Variants in RBFOX1 observed in about 807,000 individuals in gnomAD.
RBFOX1 encodes the protein RNA binding protein fox-1 homolog 1.
Under a neutral mutation model 57.7 loss-of-function variants are expected in RBFOX1, and 8 were observed. The observed-to-expected ratio is 0.14, with a 90% CI of 0.08 to 0.25. The LOEUF (loss-of-function observed/expected upper bound fraction) is 0.25, where lower values mean the gene tolerates loss of function less well. RBFOX1 is among the 10% of genes least tolerant of loss of function. RBFOX1 has a pLI of 1.00. For missense variants in RBFOX1, 611 were observed against 548.5 expected, an observed-to-expected ratio of 1.11 and a Z score of -1.14; for synonymous variants, 326 against 222.4, an observed-to-expected ratio of 1.47 and a Z score of -4.15.
chr16:6,198,017 T>C (rs2097191680), intron 1 of RBFOX1, among the ~76,000 whole-genome samples: 1 of 152,360 alleles, frequency 6.6e-6, no homozygotes, highest in African/African-American at 2.4e-5. Flanking sequence ...CCAAAAGGTC[T>C]TTAATCTCTT....
intron 1 of RBFOX1, among the ~76,000 whole-genome samples, chr16:6,164,664 A>G (rs1251084478): frequency 6.6e-6 from 1 of 151,716 alleles, no homozygotes; most frequent in East Asian, 1.9e-4. Flanking sequence ...TTTTTAGTAG[A>G]AATGGAGTTT....
chr16:6,118,081 T>G (rs889990360), intron 1 of RBFOX1, among the ~76,000 whole-genome samples: 1 of 152,210 alleles, frequency 6.6e-6, no homozygotes, highest in Non-Finnish European at 1.5e-5. Context: ...TTCTGTATAG[T>G]CTTCACCCAT....
At chr16:7,656,486 C>T (rs77705385) in intron 12 of RBFOX1, among the ~76,000 whole-genome samples, 4,314 of 152,160 alleles carry the variant, frequency 0.028, 91 homozygotes, top group African/African-American at 0.054. Context: ...GAGCAAGAAC[C>T]CCTATGTTGT....
intron 2 of RBFOX1, among the ~76,000 whole-genome samples, chr16:6,448,554 C>G (rs2094532933): frequency 6.6e-6 from 1 of 152,116 alleles, no homozygotes. Context: ...TAGCAGCATT[C>G]CTAGACTTTA....
intron 2 of RBFOX1, among the ~76,000 whole-genome samples, chr16:5,494,224 T>C (rs1259211364): frequency 1.3e-5 from 2 of 152,212 alleles, no homozygotes; most frequent in South Asian, 2.1e-4. Flanking sequence ...CCTTGGCGGA[T>C]GCTACCCTCA....
At position 6,122,330 on chromosome 16, in the gene RBFOX1, A is replaced by G. The variant is rs74004791; in HGVS notation, c.-127+102338A>G. Reference sequence around the variant, plus strand: ...AATAATTTGTGTATTTCTGTTATTTATAACAGAACCTTGTGTCTAAAAGAT... The same window carrying G: ...AATAATTTGTGTATTTCTGTTATTTGTAACAGAACCTTGTGTCTAAAAGAT... On this transcript the variant is annotated intron_variant, in intron 1 of 15. Transcript: ENST00000550418. 9.2e-3 allele frequency among the ~76,000 whole-genome samples: 1,392 copies of G among 151,394 alleles called. 29 individuals are homozygous for G. The highest frequency in any genetic ancestry group is 0.031 in the African/African-American group (1,287 of 41,130).
At chr16:6,370,140 T>C (rs1051784095) in intron 2 of RBFOX1, among the ~76,000 whole-genome samples, 1 of 151,902 alleles carries the variant, frequency 6.6e-6, no homozygotes, top group Non-Finnish European at 1.5e-5. Flanking sequence ...AGGCGGATCA[T>C]GAGATCAGGA....
intron 3 of RBFOX1, among the ~76,000 whole-genome samples, chr16:6,683,546 T>G (rs1334292003): frequency 6.6e-6 from 1 of 152,224 alleles, no homozygotes; most frequent in Non-Finnish European, 1.5e-5. Flanking sequence ...TTTGTTTTGT[T>G]TTCGTTACAA....
chr16:7,305,356 TG>T (rs1391604924), intron 4 of RBFOX1, among the ~76,000 whole-genome samples: 1 of 152,170 alleles, frequency 6.6e-6, no homozygotes, highest in African/African-American at 2.4e-5. Flanking sequence ...AGCTCAGCAC[TG>T]CCCTTGTAGG....
At chr16:5,932,335 A>G (rs979399734) in intron 4 of RBFOX1, among the ~76,000 whole-genome samples, 2 of 152,236 alleles carry the variant, frequency 1.3e-5, no homozygotes, top group African/African-American at 4.8e-5. Context: ...GACAGCTGCC[A>G]GAAAACAGAG....
intron 4 of RBFOX1, among the ~76,000 whole-genome samples, chr16:7,127,072 C>A (rs2068772993): frequency 6.6e-6 from 1 of 151,636 alleles, no homozygotes; most frequent in South Asian, 2.1e-4. Flanking sequence ...CCTTCCTAGA[C>A]CCCTTTTGTT....
At chr16:7,698,017 GT>G (rs1228480820) in intron 14 of RBFOX1, among the ~76,000 whole-genome samples, 1 of 152,166 alleles carries the variant, frequency 6.6e-6, no homozygotes, top group Non-Finnish European at 1.5e-5. Flanking sequence ...CAGGAAGCAT[GT>G]TGCGTATTAG....
rs1006066243 is a variant in RBFOX1 at position 5,872,138 on chromosome 16, G to A, written c.351+4803G>A. 9.2e-5 allele frequency among the ~76,000 whole-genome samples: 14 copies of A among 152,190 alleles called. No homozygotes were observed. The South Asian group carries it at 1.2e-3, about 14-fold the overall frequency. On this transcript the variant is annotated intron_variant, in intron 4 of 19. Coordinates refer to the RBFOX1 transcript ENST00000641259. ...CTTACCTACTAAAAGACACCAGTGC[G>A]TTTGAGAAAGGGGCTGAGCTGCTTA...
At chr16:5,361,026 C>A (rs981113170) in intron 1 of RBFOX1, among the ~76,000 whole-genome samples, 1 of 152,172 alleles carries the variant, frequency 6.6e-6, no homozygotes, top group Non-Finnish European at 1.5e-5. Flanking sequence ...AATGTCAACT[C>A]TACAAATGCT....
chr16:7,032,179 C>T lies in RBFOX1; in HGVS notation c.-15-19878C>T, dbSNP rs184680310. Among the ~76,000 whole-genome samples, 641 of 152,228 alleles carry T rather than the reference C, an allele frequency of 4.2e-3. 3 individuals carry two copies. The highest frequency in any genetic ancestry group is 0.015 in the African/African-American group (620 of 41,522). On this transcript the variant is annotated intron_variant, in intron 3 of 15. Transcript: ENST00000550418. Reference sequence around the variant, plus strand: ...GTGGCCCACACCTGTAATCCCAGTTCTTTGGGAGGCCAAGGCGGGCGGATC... The same window carrying T: ...GTGGCCCACACCTGTAATCCCAGTTTTTTGGGAGGCCAAGGCGGGCGGATC...
At chr16:6,708,401 GT>G (rs1270039189) in intron 3 of RBFOX1, among the ~76,000 whole-genome samples, 2 of 152,134 alleles carry the variant, frequency 1.3e-5, no homozygotes, top group Non-Finnish European at 2.9e-5. Context: ...TCAGACAGGA[GT>G]TAAGTTCTAA....
intron 3 of RBFOX1, among the ~76,000 whole-genome samples, chr16:6,712,553 C>G (rs757338867): frequency 6.6e-6 from 1 of 152,226 alleles, no homozygotes; most frequent in African/African-American, 2.4e-5. Context: ...TCTTCTGAAA[C>G]TCAACACCCA....
chr16:7,151,542 T>G (rs2152287302), intron 4 of RBFOX1, among the ~76,000 whole-genome samples: 1 of 152,272 alleles, frequency 6.6e-6, no homozygotes. Flanking sequence ...CTCCCCAACC[T>G]TTTTGGCATT....
intron 3 of RBFOX1, among the ~76,000 whole-genome samples, chr16:5,855,031 A>G (rs1473428046): frequency 6.6e-6 from 1 of 152,202 alleles, no homozygotes; most frequent in Non-Finnish European, 1.5e-5. Flanking sequence ...TTCTTTGGAA[A>G]AATGTCTGTT....
Sources: allele counts gnomAD v4.1 joint callset (sites outside exome capture counted in the v4.1 genomes callset), GRCh38; gene constraint gnomAD v4.1.1; transcripts MANE v1.5; gene names NCBI Gene and HGNC (gene_info 2026-07-23, HGNC 2026-07-21).